The following DLGAP1 variants were observed in gnomAD, a reference collection of about 807,000 sequenced individuals.
DLGAP1 encodes DLG associated protein 1.
Under a neutral mutation model 90.8 loss-of-function variants are expected in DLGAP1, and 11 were observed. The observed-to-expected ratio is 0.12, with a 90% CI of 0.08 to 0.20. The LOEUF is 0.20. Ranked by LOEUF, DLGAP1 falls within the 10% of genes least tolerant of loss-of-function variation. The pLI, the probability that DLGAP1 is intolerant of heterozygous loss-of-function variation, is 1.00. For synonymous variants in DLGAP1, 558 were observed against 540.7 expected (o/e 1.03, Z -0.44); for missense variants, 1,050 against 1,333.8 (o/e 0.79, Z 3.31).
chr18:4,128,875 A>G (rs2076271804), intron 2 of DLGAP1, among the ~76,000 whole-genome samples: 1 of 152,160 alleles, frequency 6.6e-6, no homozygotes, highest in Non-Finnish European at 1.5e-5. Context: ...TGACTGAACA[A>G]CTAACTGCTG....
chr18:4,093,595 G>A (rs1598391032), intron 2 of DLGAP1, among the ~76,000 whole-genome samples: 2 of 151,730 alleles, frequency 1.3e-5, no homozygotes, highest in African/African-American at 2.4e-5. Flanking sequence ...AAAAAAAAAA[G>A]GTCTTTGATA....
chr18:3,879,724 G>C lies in DLGAP1; in HGVS notation c.345C>G (p.Arg115=), dbSNP rs777255082. 1 of 1,608,786 alleles carries C rather than the reference G, an allele frequency of 6.2e-7. No homozygotes were observed. Among genetic ancestry groups the C allele is most frequent in the Non-Finnish European group, 8.5e-7 (1 of 1,179,868 alleles). The part of the protein sequence containing the change: ...DQFERQLPLS[R]DGYHTLQYKR... ...TGTACTGCAGGGTGTGATAGCCATC[G>C]CGGCTGAGTGGCAGCTGCCGCTCGA... Residue 115 remains arginine (R), a synonymous_variant, in exon 4 of 13, where the codon CGC becomes CGG. Transcript: ENST00000315677. The surrounding 1 kb of genome is among the most constrained non-coding windows in gnomAD (Gnocchi z 6.6).
intron 7 of DLGAP1, among the ~76,000 whole-genome samples, chr18:3,700,649 G>A (rs1232560824): frequency 6.6e-6 from 1 of 151,998 alleles, no homozygotes; most frequent in African/African-American, 2.4e-5. Context: ...TCTGTCTGTT[G>A]CCCAGGCTGG....
chr18:3,570,090 G>A (rs2054678052), intron 8 of DLGAP1, among the ~76,000 whole-genome samples: 1 of 151,892 alleles, frequency 6.6e-6, no homozygotes. Context: ...ATACTATATA[G>A]CCCAAGTGGG....
chr18:3,694,657 C>T (rs996458131), intron 7 of DLGAP1, among the ~76,000 whole-genome samples: 3 of 152,126 alleles, frequency 2.0e-5, no homozygotes, highest in Admixed American at 6.6e-5. Context: ...TTTTTTCATA[C>T]GTTTGTTGGC....
chr18:3,636,301 A>T (rs1465288572), intron 7 of DLGAP1, among the ~76,000 whole-genome samples: 1 of 151,418 alleles, frequency 6.6e-6, no homozygotes, highest in Admixed American at 6.6e-5. Context: ...CTAATTATAG[A>T]TTTCTGTCTC....
intron 3 of DLGAP1, among the ~76,000 whole-genome samples, chr18:3,882,491 T>A (rs1213814772): frequency 6.8e-6 from 1 of 147,178 alleles, no homozygotes; most frequent in East Asian, 2.0e-4. Flanking sequence ...TGCACCGCTA[T>A]ACTTCAGCCT....
At chr18:4,017,291 T>C (rs1292583865) in intron 2 of DLGAP1, among the ~76,000 whole-genome samples, 2 of 152,186 alleles carry the variant, frequency 1.3e-5, no homozygotes, top group Non-Finnish European at 2.9e-5. Context: ...GTCTGTTTTG[T>C]TCACTCGTGT....
intron 4 of DLGAP1, among the ~76,000 whole-genome samples, chr18:3,856,587 C>T (rs1031089472): frequency 2.0e-5 from 3 of 152,060 alleles, no homozygotes; most frequent in South Asian, 2.1e-4. Context: ...ACAGGCCAGA[C>T]GCGGTGGCTC....
At chr18:4,294,479 T>G (rs963421536) in intron 1 of DLGAP1, 3 of 152,224 alleles carry the variant, frequency 2.0e-5, no homozygotes, top group Admixed American at 1.3e-4. Context: ...GCTCTCTTCT[T>G]GGCTGCTATG....
intron 1 of DLGAP1, among the ~76,000 whole-genome samples, chr18:4,305,881 C>A (rs934288371): frequency 2.0e-5 from 3 of 150,116 alleles, no homozygotes; most frequent in Non-Finnish European, 3.0e-5. Flanking sequence ...CCTGGGAAAA[C>A]AGTACAACAA....
chr18:4,157,399 C>T (rs987175550), intron 1 of DLGAP1, among the ~76,000 whole-genome samples: 1 of 152,272 alleles, frequency 6.6e-6, no homozygotes, highest in South Asian at 2.1e-4. Flanking sequence ...CTGTGACTTT[C>T]CACGTGTCTG....
chr18:4,190,245 G>C (rs1348599597), intron 1 of DLGAP1, among the ~76,000 whole-genome samples: 1 of 152,084 alleles, frequency 6.6e-6, no homozygotes, highest in East Asian at 1.9e-4. Context: ...ATATTATGAA[G>C]TGGAAGAAGG....
At chr18:3,667,851 C>T (rs1267374074) in intron 7 of DLGAP1, among the ~76,000 whole-genome samples, 1 of 152,180 alleles carries the variant, frequency 6.6e-6, no homozygotes, top group Non-Finnish European at 1.5e-5. Context: ...GAATATGCCA[C>T]TGTGGCATAA....
At chr18:4,207,025 TG>T (rs1348194025) in intron 1 of DLGAP1, among the ~76,000 whole-genome samples, 1 of 152,166 alleles carries the variant, frequency 6.6e-6, no homozygotes, top group African/African-American at 2.4e-5. Context: ...CTGGAGGCGA[TG>T]GGATCCAATT....
intron 1 of DLGAP1, among the ~76,000 whole-genome samples, chr18:4,255,485 ATATT>A (rs906527362): frequency 6.9e-6 from 1 of 145,100 alleles, no homozygotes; most frequent in African/African-American, 2.8e-5. Flanking sequence ...ATATATATAT[ATATT>A]TATATACAGA....
intron 2 of DLGAP1, among the ~76,000 whole-genome samples, chr18:4,068,382 T>C (rs545392919): frequency 1.2e-4 from 18 of 151,560 alleles, no homozygotes; most frequent in African/African-American, 4.1e-4. Flanking sequence ...CGTAGGCATA[T>C]TTATGCATAT....
At chr18:4,240,321 A>G (rs2078505349) in intron 1 of DLGAP1, among the ~76,000 whole-genome samples, 1 of 152,166 alleles carries the variant, frequency 6.6e-6, no homozygotes, top group East Asian at 1.9e-4. Context: ...GGTATAATTT[A>G]TCAGTAAGAA....
intron 5 of DLGAP1, among the ~76,000 whole-genome samples, chr18:3,766,608 G>C (rs2064256616): frequency 6.6e-6 from 1 of 151,994 alleles, no homozygotes; most frequent in Non-Finnish European, 1.5e-5. Flanking sequence ...TGAAAGAACT[G>C]AAATATACAT....
Sources: gnomAD v4.1 joint callset for allele counts (sites outside exome capture counted in the v4.1 genomes callset) on GRCh38, gnomAD v4.1.1 for gene constraint, Gnocchi (gnomAD v3.1) non-coding constraint, MANE v1.5 for transcripts, NCBI Gene and HGNC (gene_info 2026-07-23, HGNC 2026-07-21) for gene names.